Variants in TOPAZ1 observed in about 807,000 individuals in gnomAD.
The protein encoded by TOPAZ1 is testis and ovary specific TOPAZ 1.
Under a neutral mutation model 172.2 loss-of-function variants are expected in TOPAZ1, and 66 were observed. The observed-to-expected ratio is 0.38, with a 90% CI of 0.31 to 0.47. The LOEUF (loss-of-function observed/expected upper bound fraction) is 0.47. TOPAZ1 is among the 20% of genes least tolerant of loss of function. The probability of loss-of-function intolerance (pLI) is 0.99; values close to 1 mark genes in which losing one functional copy is unlikely to be tolerated. For synonymous variants in TOPAZ1, 681 were observed against 683.9 expected, an observed-to-expected ratio of 1.00 and a Z score of 0.07; for missense variants, 1,822 against 1,972.4, an observed-to-expected ratio of 0.92 and a Z score of 1.44.
chr3:44,290,148 G>A (rs1440241660), intron 11 of TOPAZ1, among the ~76,000 whole-genome samples: 1 of 152,106 alleles, frequency 6.6e-6, no homozygotes, highest in Non-Finnish European at 1.5e-5. Flanking sequence ...CACGTTTCCA[G>A]GATAATGTCA....
chr3:44,268,363 A>ATTTTTTTTTTTTTTTTTTTTTTTTT (rs1293339613), intron 6 of TOPAZ1, among the ~76,000 whole-genome samples: 4 of 91,758 alleles, frequency 4.4e-5, no homozygotes, highest in Non-Finnish European at 2.2e-5. Flanking sequence ...TGTGGTGCCT[A>ATTTTTTTTTTTTTTTTTTTTTTTTT]TTCTTTTTTT....
Position 44,242,900 on chromosome 3 carries a change from C to G in TOPAZ1, c.394C>G (p.Pro132Ala), listed in dbSNP as rs1240136429. 6.5e-7 allele frequency: 1 copy of G among 1,532,102 alleles called. No homozygotes were observed. Among genetic ancestry groups the G allele is most frequent in the Non-Finnish European group, 8.8e-7 (1 of 1,142,318 alleles). The allele number at this position is 1,532,102 out of a possible 1,614,324, so 94.9% of individuals were successfully genotyped here. A position where few individuals can be genotyped will look rare whatever the true frequency, so the allele number is the denominator to read the frequency against. ...TGAAGCCTCAAGTGATGATCCACAG[C>G]CAGGGCTTGACTTGGTAAGAAAGGA... ...VTEASSDDPQ[P>A]GLDLVRKESL... Residue 132 changes from proline (P) to alanine (A), a missense_variant, in exon 2 of 20, where the codon CCA becomes GCA. Physicochemically the swap from Pro to Ala is conservative, Grantham distance 27. Transcript: ENST00000309765.
At chr3:44,314,712 A>C (rs1700432322) in intron 16 of TOPAZ1, among the ~76,000 whole-genome samples, 1 of 152,086 alleles carries the variant, frequency 6.6e-6, no homozygotes, top group Non-Finnish European at 1.5e-5. Flanking sequence ...GGTAAATCTA[A>C]GACAGGGGTT....
rs903387520 is a variant in TOPAZ1, at chr3:44,241,986, G to C, written c.-68G>C. On this transcript the variant is annotated 5_prime_UTR_variant, in exon 1 of 20. Coordinates refer to ENST00000309765, the MANE Select transcript of TOPAZ1 (RefSeq NM_001145030.2). Reference sequence around the variant, plus strand: ...CAGTAGGTACCTCCAGGCGGGAGCAGCGTTTGCACCGCGGTGGGTTCCTGC... The same window carrying C: ...CAGTAGGTACCTCCAGGCGGGAGCACCGTTTGCACCGCGGTGGGTTCCTGC... 9.1e-6 allele frequency: 13 copies of C among 1,426,640 alleles called. No homozygotes were observed. The African/African-American group carries it at 1.7e-4, about 19-fold the overall frequency. 88.4% of individuals were successfully genotyped at this position (1,426,640 alleles called of 1,614,324 possible).
At chr3:44,295,516 T>C (rs1700185410) in intron 12 of TOPAZ1, among the ~76,000 whole-genome samples, 2 of 152,210 alleles carry the variant, frequency 1.3e-5, no homozygotes, top group South Asian at 2.1e-4. Flanking sequence ...AAATTAACTT[T>C]CATTGTAAGG....
intron 8 of TOPAZ1, among the ~76,000 whole-genome samples, chr3:44,271,212 AG>A (rs898013967): frequency 6.6e-6 from 1 of 152,190 alleles, no homozygotes; most frequent in African/African-American, 2.4e-5. Flanking sequence ...ATTCAGCCCT[AG>A]TAGATAACAG....
chr3:44,278,745 A>C (rs1331855473), intron 8 of TOPAZ1, among the ~76,000 whole-genome samples: 3 of 148,728 alleles, frequency 2.0e-5, no homozygotes. Context: ...TGGTTAGTTT[A>C]GCTAGCAGTT....
Position 44,241,973 on chromosome 3 carries a change from C to G in TOPAZ1, c.-81C>G. 2 of 1,350,284 alleles carry G rather than the reference C, an allele frequency of 1.5e-6. No individual in the cohort carries two copies. Among genetic ancestry groups the G allele is most frequent in the Middle Eastern group, 2.5e-4 (1 of 3,954 alleles). The allele number at this position is 1,350,284 out of a possible 1,614,324, so 83.6% of individuals were successfully genotyped here. On this transcript the variant is annotated 5_prime_UTR_variant, in exon 1 of 20. Transcript: ENST00000309765. ...GTGGGTCAGAGGGCAGTAGGTACCT[C>G]CAGGCGGGAGCAGCGTTTGCACCGC...
At position 44,280,490 on chromosome 3, in the gene TOPAZ1, C is replaced by T. The variant is rs771596267; in HGVS notation, c.3373-1478C>T. Among the ~76,000 whole-genome samples the T allele has an allele frequency of 4.2e-4, 64 of 151,986 alleles. 2 individuals carry two copies. The highest frequency in any genetic ancestry group is 5.9e-5 in the Non-Finnish European group (4 of 67,996). On this transcript the variant is annotated intron_variant, in intron 8 of 19. Coordinates refer to ENST00000309765, the MANE Select transcript of TOPAZ1 (RefSeq NM_001145030.2). ...TCAGCCTCCCAAGTAGCTGGGACTA[C>T]AGGCATGTCACCATGTCCAGTTAAT...
At chr3:44,311,941 G>A (rs560620921) in intron 16 of TOPAZ1, among the ~76,000 whole-genome samples, 29 of 152,156 alleles carry the variant, frequency 1.9e-4, no homozygotes, top group African/African-American at 7.0e-4. Context: ...GTCTTTAGGA[G>A]CTTTTTGGCA....
Position 44,321,202 on chromosome 3 carries a change from TAA to T in TOPAZ1, c.4471+14_4471+15del, listed in dbSNP as rs1700502959. The T allele has an allele frequency of 1.3e-6, 2 of 1,531,870 alleles. No homozygotes were observed. The highest frequency in any genetic ancestry group is 5.0e-5 in the East Asian group (2 of 40,238). 94.9% of individuals were successfully genotyped at this position (1,531,870 alleles called of 1,614,324 possible). On this transcript the variant is annotated intron_variant, in intron 17 of 19. Transcript: ENST00000309765. ...TTCAAAATTCCCAAGGTATGTTTTT[TAA>T]AAGTCTATCTTAATTATCTCTTGCC... is the stretch of plus-strand genomic sequence containing the variant.
chr3:44,264,294 T>C (rs1276285719), intron 5 of TOPAZ1, among the ~76,000 whole-genome samples: 1 of 152,084 alleles, frequency 6.6e-6, no homozygotes, highest in African/African-American at 2.4e-5. Flanking sequence ...ATTGCAGGTT[T>C]GAGTTCAGAC....
Position 44,293,378 on chromosome 3 carries a change from G to C in TOPAZ1, c.3797+2492G>C, listed in dbSNP as rs148108857. Among the ~76,000 whole-genome samples the C allele has an allele frequency of 6.9e-3, 1,051 of 152,222 alleles. 12 individuals are homozygous for C. Among genetic ancestry groups the C allele is most frequent in the African/African-American group, 0.024 (1,015 of 41,524 alleles). ...TCCAGAAGTAGGCATTATTGTCATA[G>C]GAGATGACAGCTCCATACTTGTGAT... is the stretch of plus-strand genomic sequence containing the variant. On this transcript the variant is annotated intron_variant, in intron 12 of 19. Coordinates refer to ENST00000309765, the MANE Select transcript of TOPAZ1 (RefSeq NM_001145030.2).
intron 18 of TOPAZ1, among the ~76,000 whole-genome samples, chr3:44,324,063 G>A (rs368060215): frequency 6.6e-6 from 1 of 152,208 alleles, no homozygotes; most frequent in African/African-American, 2.4e-5. Flanking sequence ...TGAGCTGGAA[G>A]TGTTTTTCAG....
At chr3:44,288,616 C>T (rs779539067) in intron 11 of TOPAZ1, among the ~76,000 whole-genome samples, 7 of 151,988 alleles carry the variant, frequency 4.6e-5, no homozygotes, top group Admixed American at 2.6e-4. Flanking sequence ...ACCTGGGAGG[C>T]GGAGGTTGCA....
In TOPAZ1 at chr3:44,306,423, C is replaced by T; in HGVS notation, c.4137C>T (p.Ser1379=). ...TCTATCACAAGCTGTTGCAGTGGTC[C>T]AAGGTACTTCATTAAGTTTTTGTCT... is the stretch of plus-strand genomic sequence containing the variant. ...MYFYHKLLQW[S]KGRKVLEKLY... Residue 1379 remains serine, a synonymous_variant, in exon 15 of 20, where the codon TCC becomes TCT. Transcript: ENST00000309765. 6.6e-7 allele frequency: 1 copy of T among 1,519,436 alleles called. No homozygotes were observed. The highest frequency in any genetic ancestry group is 8.9e-7 in the Non-Finnish European group (1 of 1,123,272). The allele number at this position is 1,519,436 out of a possible 1,614,324, so 94.1% of individuals were successfully genotyped here. A position where few individuals can be genotyped will look rare whatever the true frequency, so the allele number is the denominator to read the frequency against.
intron 12 of TOPAZ1, among the ~76,000 whole-genome samples, chr3:44,296,862 A>G (rs78145116): frequency 3.7e-5 from 5 of 136,074 alleles, no homozygotes; most frequent in Admixed American, 2.2e-4. Context: ...AAAAAAAAAA[A>G]AAGAAAAAAA....
In TOPAZ1 at chr3:44,244,200, T is replaced by C. The variant is rs147529563; in HGVS notation, c.1694T>C (p.Leu565Ser). 5.8e-4 allele frequency: 901 copies of C among 1,550,238 alleles called. 10 individuals are homozygous for C. The African/African-American group carries it at 0.011, about 19-fold the overall frequency. ...TNTESSSKEKLDSNSNCLSSV... is the reference protein window; with the variant it reads ...TNTESSSKEKSDSNSNCLSSV... Reference sequence around the variant, plus strand: ...ACTGAATCTTCAAGTAAAGAAAAATTAGATTCTAATTCTAATTGTTTGTCT... The same window carrying C: ...ACTGAATCTTCAAGTAAAGAAAAATCAGATTCTAATTCTAATTGTTTGTCT... Residue 565 changes from leucine (L) to serine (S), a missense_variant, in exon 2 of 20, where the codon TTA becomes TCA. This residue lies in a region of TOPAZ1 where 1,489 missense variants were observed against 1,490.8 expected (regional missense o/e 1.00). Transcript: ENST00000309765.
downstream of TOPAZ1, among the ~76,000 whole-genome samples, chr3:44,336,258 C>T (rs989933910): frequency 1.3e-5 from 2 of 152,182 alleles, no homozygotes; most frequent in Admixed American, 6.5e-5. Flanking sequence ...TTTTGTAAAT[C>T]ACAACCTAAT....
Sources: gnomAD v4.1 joint callset for allele counts (sites outside exome capture counted in the v4.1 genomes callset) on GRCh38, gnomAD v4.1.1 for gene constraint, gnomAD v4.1.1 regional missense constraint, MANE v1.5 for transcripts, NCBI Gene and HGNC (gene_info 2026-07-23, HGNC 2026-07-21) for gene names.